SFXN4: variants seen among roughly 807,000 people sequenced by gnomAD.
SFXN4 encodes the protein sideroflexin-4.
In SFXN4, 48 loss-of-function variants were observed where a neutral mutation model predicts 54.6. The observed-to-expected ratio is 0.88, with a 90% CI of 0.70 to 1.12. The LOEUF (loss-of-function observed/expected upper bound fraction) is 1.12. Among genes scored for constraint, SFXN4 ranks in the 50% most tolerant of loss-of-function variants. The probability of loss-of-function intolerance (pLI) is 0.00; values close to 1 mark genes in which losing one functional copy is unlikely to be tolerated. For missense variants in SFXN4, 383 were observed against 409.2 expected (o/e 0.94, Z 0.55); for synonymous variants, 130 against 145.5 (o/e 0.89, Z 0.77).
chr10:119,156,812 C>G, intron 9 of SFXN4, 56 bp from the exon 10 acceptor site: 1 of 1,342,062 alleles, frequency 7.5e-7, no homozygotes, highest in Non-Finnish European at 1.0e-6. Flanking sequence ...TCAGCGGAAC[C>G]TACTCACTAG....
intron 1 of SFXN4, chr10:119,165,174 G>T: frequency 9.7e-7 from 1 of 1,034,696 alleles, no homozygotes; most frequent in Non-Finnish European, 1.2e-6. Context: ...AAAGCCTCGG[G>T]GGTCTCACCG....
At chr10:119,147,979 T>C in intron 11 of SFXN4, 119 bp from the exon 12 acceptor site, 1 of 690,038 alleles carries the variant, frequency 1.4e-6, no homozygotes, top group Non-Finnish European at 2.5e-6. Flanking sequence ...GAGACCAGCC[T>C]GGCCAACATG....
intron 1 of SFXN4, among the ~76,000 whole-genome samples, chr10:119,164,579 C>G (rs576775157): frequency 1.3e-5 from 2 of 152,262 alleles, no homozygotes; most frequent in Non-Finnish European, 2.9e-5. Context: ...TGGCCTCACT[C>G]TCTGCTTGCT....
At chr10:119,153,402 CA>C (rs34129853) in intron 11 of SFXN4, among the ~76,000 whole-genome samples, 503 of 98,264 alleles carry the variant, frequency 5.1e-3, no homozygotes, top group African/African-American at 0.014. Context: ...GACCCTGTCT[CA>C]AAAAAAAAAA....
At chr10:119,153,976 G>C (rs1451718502) in intron 11 of SFXN4, among the ~76,000 whole-genome samples, 2 of 152,036 alleles carry the variant, frequency 1.3e-5, no homozygotes, top group Admixed American at 1.3e-4. Context: ...TCAGGAGTTT[G>C]AGACCAGCCT....
At chr10:119,158,899 A>C (rs1318988585) in intron 6 of SFXN4, among the ~76,000 whole-genome samples, 2 of 151,880 alleles carry the variant, frequency 1.3e-5, no homozygotes, top group African/African-American at 4.8e-5. Flanking sequence ...AAGGGGATCC[A>C]CTGAGCCTAG....
In SFXN4 at chr10:119,165,582, G is replaced by A. The variant is rs542121830; in HGVS notation, c.66C>T (p.Pro22=). ...AGCGCACGTTGGGCTCAATGAAGGC[G>A]GGGACGGCGTCTCTGCGTCCTAGGA... The part of the protein sequence containing the change: ...GRLLGRRDAV[P]AFIEPNVRFW... Residue 22 remains proline, a synonymous_variant, in exon 1 of 14, where the codon CCC becomes CCT. Coordinates refer to ENST00000355697, the MANE Select transcript of SFXN4 (RefSeq NM_213649.2). 19 of 1,593,814 alleles carry A rather than the reference G, an allele frequency of 1.2e-5. No individual in the cohort carries two copies. Among genetic ancestry groups the A allele is most frequent in the Non-Finnish European group, 1.5e-5 (18 of 1,171,908 alleles).
chr10:119,153,065 A>G (rs1847136652), intron 11 of SFXN4, among the ~76,000 whole-genome samples: 1 of 152,218 alleles, frequency 6.6e-6, no homozygotes, highest in East Asian at 1.9e-4. Flanking sequence ...CATAGACTAT[A>G]CCAGGTTCTC....
chr10:119,163,980 T>C (rs1847658202), intron 2 of SFXN4, 151 bp downstream of exon 2: 2 of 577,526 alleles, frequency 3.5e-6, no homozygotes, highest in Non-Finnish European at 6.0e-6. Context: ...GTAGAGGTTC[T>C]TGTGAGCCGA....
intron 13 of SFXN4, among the ~76,000 whole-genome samples, chr10:119,144,329 C>T (rs984885051): frequency 5.9e-5 from 9 of 151,984 alleles, no homozygotes; most frequent in Non-Finnish European, 1.3e-4. Flanking sequence ...TGGTGGCGGG[C>T]GCCTGTAGTC....
At chr10:119,149,576 C>T (rs990762290) in intron 11 of SFXN4, among the ~76,000 whole-genome samples, 1 of 152,098 alleles carries the variant, frequency 6.6e-6, no homozygotes, top group African/African-American at 2.4e-5. Context: ...ATAGTGAAAC[C>T]CTGTCTCTAC....
intron 11 of SFXN4, among the ~76,000 whole-genome samples, chr10:119,149,202 A>G (rs764997307): frequency 2.4e-4 from 37 of 152,112 alleles, no homozygotes; most frequent in Admixed American, 5.2e-4. Context: ...CACACACCAC[A>G]AACAGCACAT....
chr10:119,151,098 G>A (rs1847047882), intron 11 of SFXN4, among the ~76,000 whole-genome samples: 1 of 152,228 alleles, frequency 6.6e-6, no homozygotes, highest in African/African-American at 2.4e-5. Flanking sequence ...GGCCAGGCAT[G>A]GGGGCTCACG....
rs1564831561 is a variant in SFXN4, at chr10:119,165,524, G to A, written c.111+13C>T. On this transcript the variant is annotated intron_variant, in intron 1 of 13. Transcript: ENST00000355697. ...CCCTCCCTGCCCCTAGTCGCGCCGG[G>A]CCCGGGCCGTACTTGGCGCTCGGTG... The A allele has an allele frequency of 1.9e-6, 3 of 1,573,648 alleles. No homozygotes were observed. The highest frequency in any genetic ancestry group is 2.8e-5 in the African/African-American group (2 of 71,274).
chr10:119,165,451 T>C (rs1847730293), intron 1 of SFXN4, 86 bp downstream of exon 1: 1 of 1,390,334 alleles, frequency 7.2e-7, no homozygotes, highest in African/African-American at 1.5e-5. Flanking sequence ...CCACGTGGCC[T>C]GGCCAAGGTC....
chr10:119,165,462 AC>A lies in SFXN4; in HGVS notation c.111+74del. On this transcript the variant is annotated intron_variant, in intron 1 of 13. Coordinates refer to ENST00000355697, the MANE Select transcript of SFXN4 (RefSeq NM_213649.2). ...GCGCCCACGTGGCCTGGCCAAGGTCACCCGGGTCAGCCCGACTCCACGCGGC... is the reference window on the plus strand; with the variant it reads ...GCGCCCACGTGGCCTGGCCAAGGTCACCGGGTCAGCCCGACTCCACGCGGC... 3 of 1,431,240 alleles carry A rather than the reference AC, an allele frequency of 2.1e-6. No homozygotes were observed. In the South Asian group the frequency reaches 4.1e-5, roughly 20 times the overall value. The allele number at this position is 1,431,240 out of a possible 1,614,324, so 88.7% of individuals were successfully genotyped here.
At position 119,162,490 on chromosome 10, in the gene SFXN4, GCTCA is replaced by G. The variant is rs1362644160; in HGVS notation, c.178-80_178-77del. 3 of 1,250,044 alleles carry G rather than the reference GCTCA, an allele frequency of 2.4e-6. No homozygotes were observed. The African/African-American group carries it at 4.5e-5, about 19-fold the overall frequency. 77.4% of individuals were successfully genotyped at this position (1,250,044 alleles called of 1,614,324 possible). On this transcript the variant is annotated intron_variant, in intron 2 of 13. Transcript: ENST00000355697. ...TTATCCCCAGAGGTAGGAATCACCA[GCTCA>G]CTCACCAGCATGCACTGGACTTCGA...
intron 5 of SFXN4, among the ~76,000 whole-genome samples, chr10:119,160,569 G>A (rs1234319795): frequency 1.3e-5 from 2 of 148,638 alleles, no homozygotes; most frequent in Non-Finnish European, 3.0e-5. Context: ...TTAAAGCAAG[G>A]CAGGCAGAGT....
intron 1 of SFXN4, chr10:119,165,113 A>ACG: frequency 3.0e-6 from 2 of 662,192 alleles, no homozygotes; most frequent in South Asian, 6.1e-5. Context: ...GCTGCCCTAG[A>ACG]CGCTGCAGGG....
Sources: allele counts gnomAD v4.1 joint callset (sites outside exome capture counted in the v4.1 genomes callset), GRCh38; gene constraint gnomAD v4.1.1; transcripts MANE v1.5; gene names NCBI Gene and HGNC (gene_info 2026-07-23, HGNC 2026-07-21).